Variants in RSF1 observed in about 807,000 individuals in gnomAD.
The protein encoded by RSF1 is remodeling and spacing factor 1.
RSF1 carries 13 observed loss-of-function variants against 145.2 expected under a neutral mutation model. The observed-to-expected ratio is 0.09, with a 90% CI of 0.06 to 0.14. The LOEUF is 0.14. RSF1 is among the 10% of genes least tolerant of loss of function. The pLI, the probability that RSF1 is intolerant of heterozygous loss-of-function variation, is 1.00. For synonymous variants in RSF1, 577 were observed against 592.6 expected (o/e 0.97, Z 0.38); for missense variants, 1,517 against 1,718.2 (o/e 0.88, Z 2.07).
At chr11:77,724,037 A>C (rs963593977) in intron 5 of RSF1, among the ~76,000 whole-genome samples, 5 of 152,206 alleles carry the variant, frequency 3.3e-5, no homozygotes, top group Non-Finnish European at 5.9e-5. Context: ...TCATAGACTT[A>C]AGAGTTTTCA....
At chr11:77,708,229 G>A (rs1960599195) in intron 5 of RSF1, among the ~76,000 whole-genome samples, 2 of 152,102 alleles carry the variant, frequency 1.3e-5, no homozygotes, top group Admixed American at 1.3e-4. Context: ...AGACCAGCCT[G>A]GGCAACATAA....
Position 77,693,618 on chromosome 11 carries a change from T to C in RSF1, c.2716-7A>G, listed in dbSNP as rs750575911. On this transcript the variant is annotated splice_region_variant and splice_polypyrimidine_tract_variant and intron_variant, in intron 7 of 15. Transcript: ENST00000308488. ...AAGAGTCACACAGAAGAATCTGAAA[T>C]AACCACACTGATGTCAACCTAACTA... 4 of 1,600,772 alleles carry C rather than the reference T, an allele frequency of 2.5e-6. No individual in the cohort carries two copies. Among genetic ancestry groups the C allele is most frequent in the Non-Finnish European group, 3.4e-6 (4 of 1,168,442 alleles).
intron 1 of RSF1, among the ~76,000 whole-genome samples, chr11:77,798,581 T>TAAAAAAAAAAAAAAAAAAAAAAAAAAA (rs543236647): frequency 4.1e-5 from 1 of 24,496 alleles, no homozygotes. Flanking sequence ...GACTCCATCT[T>TAAAAAAAAAAAAAAAAAAAAAAAAAAA]AAAAAAAAAA....
At chr11:77,705,387 G>A (rs1276599016) in intron 5 of RSF1, among the ~76,000 whole-genome samples, 1 of 152,140 alleles carries the variant, frequency 6.6e-6, no homozygotes, top group African/African-American at 2.4e-5. Context: ...GTTTTTAAAG[G>A]TGATTCATTC....
At chr11:77,786,936 T>C (rs926745295) in intron 1 of RSF1, among the ~76,000 whole-genome samples, 1 of 152,076 alleles carries the variant, frequency 6.6e-6, no homozygotes, top group African/African-American at 2.4e-5. Context: ...ATTTACAAAC[T>C]GGGTAAAGAG....
Position 77,693,621 on chromosome 11 carries a change from C to T in RSF1, c.2716-10G>A. The stretch of plus-strand genomic sequence containing the variant: ...AGTCACACAGAAGAATCTGAAATAA[C>T]CACACTGATGTCAACCTAACTATGA... On this transcript the variant is annotated splice_polypyrimidine_tract_variant and intron_variant, in intron 7 of 15. Transcript: ENST00000308488. The T allele has an allele frequency of 6.3e-7, 1 of 1,595,782 alleles. No individual in the cohort carries two copies. Among genetic ancestry groups the T allele is most frequent in the Non-Finnish European group, 8.6e-7 (1 of 1,164,054 alleles).
chr11:77,808,678 C>T lies in RSF1; in HGVS notation c.187+11850G>A, dbSNP rs963491293. Among the ~76,000 whole-genome samples, 7 of 133,856 alleles carry T rather than the reference C, an allele frequency of 5.2e-5. 1 individual carries two copies. Among genetic ancestry groups the T allele is most frequent in the Admixed American group, 7.7e-5 (1 of 12,984 alleles). 87.8% of individuals were successfully genotyped at this position (133,856 alleles called of 152,430 possible). ...CCTCCCGAGTAGCTGGGACTACAGG[C>T]GCCCGCCACTACGCCCGGCTAATTT... On this transcript the variant is annotated intron_variant, in intron 1 of 15. Coordinates refer to ENST00000308488, the MANE Select transcript of RSF1 (RefSeq NM_016578.4).
intron 1 of RSF1, among the ~76,000 whole-genome samples, chr11:77,797,384 C>T (rs1337412670): frequency 6.6e-6 from 1 of 152,130 alleles, no homozygotes; most frequent in Non-Finnish European, 1.5e-5. Context: ...TGATTTTTGA[C>T]AAACCTGACA....
the RSF1 span, among the ~76,000 whole-genome samples, chr11:77,838,244 C>T: frequency 1.4e-5 from 2 of 140,934 alleles, no homozygotes; most frequent in Admixed American, 7.2e-5. Flanking sequence ...TATGTGTCAA[C>T]GTGGTAAGGT....
Position 77,820,395 on chromosome 11 carries a change from G to C in RSF1, c.187+133C>G, listed in dbSNP as rs1948852556. ...GGGGCTGGGCGGAGAAGACCAGCCCGGCGGAGTTGCGTCCCAGGGGGAAGA... is the reference window on the plus strand; with the variant it reads ...GGGGCTGGGCGGAGAAGACCAGCCCCGCGGAGTTGCGTCCCAGGGGGAAGA... On this transcript the variant is annotated intron_variant, in intron 1 of 15. Transcript: ENST00000308488. 5.2e-6 allele frequency: 5 copies of C among 963,352 alleles called. No homozygotes were observed. In the South Asian group the frequency reaches 6.8e-5, roughly 13 times the overall value. 59.7% of individuals were successfully genotyped at this position (963,352 alleles called of 1,614,324 possible). A position where few individuals can be genotyped will look rare whatever the true frequency, so the allele number is the denominator to read the frequency against.
chr11:77,713,834 T>C (rs939745287), intron 5 of RSF1, among the ~76,000 whole-genome samples: 1 of 152,212 alleles, frequency 6.6e-6, no homozygotes, highest in Non-Finnish European at 1.5e-5. Flanking sequence ...ATAGTGCTCA[T>C]GTTTGATGGG....
intron 1 of RSF1, among the ~76,000 whole-genome samples, chr11:77,807,061 T>C (rs1396108488): frequency 2.6e-5 from 4 of 152,222 alleles, no homozygotes; most frequent in African/African-American, 9.6e-5. Flanking sequence ...TGTGCTACAT[T>C]TTTACTTTAA....
intron 5 of RSF1, among the ~76,000 whole-genome samples, chr11:77,722,212 A>C (rs1275720549): frequency 6.6e-6 from 1 of 152,116 alleles, no homozygotes; most frequent in Non-Finnish European, 1.5e-5. Context: ...AACAAAGAGA[A>C]TGAAATGTCC....
At chr11:77,809,586 A>AACCAGTTGACCACAGGTT (rs1398265216) in intron 1 of RSF1, among the ~76,000 whole-genome samples, 1 of 152,228 alleles carries the variant, frequency 6.6e-6, no homozygotes, top group Non-Finnish European at 1.5e-5. Context: ...CACAGTCAAA[A>AACCAGTTGACCACAGGTT]TTCATAGGAC....
chr11:77,733,317 T>C (rs1032671577), intron 4 of RSF1, among the ~76,000 whole-genome samples: 3 of 151,736 alleles, frequency 2.0e-5, no homozygotes, highest in Non-Finnish European at 2.9e-5. Context: ...TGAATAATGA[T>C]GCTAAGCACT....
chr11:77,771,854 C>T (rs1267779385), intron 1 of RSF1, among the ~76,000 whole-genome samples: 3 of 152,142 alleles, frequency 2.0e-5, no homozygotes, highest in Admixed American at 6.6e-5. Context: ...AGGAAGACAT[C>T]GCAATACTTC....
At position 77,700,744 on chromosome 11, in the gene RSF1, C is replaced by A. The variant is rs934905865; in HGVS notation, c.2485G>T (p.Asp829Tyr). 1 of 1,585,178 alleles carries A rather than the reference C, an allele frequency of 6.3e-7. No individual in the cohort carries two copies. The highest frequency in any genetic ancestry group is 8.5e-7 in the Non-Finnish European group (1 of 1,173,488). ...ACCTTGCTTACTTTAGAATTTGTATCTTTCTCTGATTTTTTCAAAATTTCC... is the reference window on the plus strand; with the variant it reads ...ACCTTGCTTACTTTAGAATTTGTATATTTCTCTGATTTTTTCAAAATTTCC... ...KKEILKKSEKDTNSKVSKVKP... is the reference protein window; with the variant it reads ...KKEILKKSEKYTNSKVSKVKP... The change falls in exon 6 of 16, where the codon GAT (aspartate) becomes TAT (tyrosine). Residue 829 changes from aspartate to tyrosine, a missense_variant. Physicochemically the swap from Asp to Tyr is radical, Grantham distance 160. Coordinates refer to ENST00000308488, the MANE Select transcript of RSF1 (RefSeq NM_016578.4).
chr11:77,682,863 G>A (rs1156305344), intron 11 of RSF1, among the ~76,000 whole-genome samples: 1 of 152,106 alleles, frequency 6.6e-6, no homozygotes, highest in Non-Finnish European at 1.5e-5. Flanking sequence ...AAAGGAAATT[G>A]CAGGTAAACA....
At chr11:77,800,871 G>C (rs769098250) in intron 1 of RSF1, among the ~76,000 whole-genome samples, 2 of 152,080 alleles carry the variant, frequency 1.3e-5, no homozygotes, top group African/African-American at 4.8e-5. Context: ...TCAATTAGCT[G>C]AGTGTGATGG....
Sources: gnomAD v4.1 joint callset for allele counts (sites outside exome capture counted in the v4.1 genomes callset) on GRCh38, gnomAD v4.1.1 for gene constraint, MANE v1.5 for transcripts, NCBI Gene and HGNC (gene_info 2026-07-23, HGNC 2026-07-21) for gene names.